FBN2: variants seen among roughly 807,000 people sequenced by gnomAD.
FBN2 encodes fibrillin 2, also known as fibrillin-2.
Under a neutral mutation model 355.6 loss-of-function variants are expected in FBN2, and 105 were observed. The ratio of observed to expected loss-of-function variants is 0.30; its 90% CI spans 0.25 to 0.35. The LOEUF is 0.35. FBN2 is among the 10% of genes least tolerant of loss of function. The pLI, the probability that FBN2 is intolerant of heterozygous loss-of-function variation, is 1.00. For synonymous variants in FBN2, 1,350 were observed against 1,301.2 expected (o/e 1.04, Z -0.81); for missense variants, 3,280 against 3,758.7 (o/e 0.87, Z 3.33).
chr5:128,474,947 C>T (rs1283654963), intron 5 of FBN2, among the ~76,000 whole-genome samples: 1 of 152,160 alleles, frequency 6.6e-6, no homozygotes, highest in Admixed American at 6.5e-5. Flanking sequence ...TAAGAGGACA[C>T]AGGTAGCATC....
At chr5:128,342,998 G>T (rs1192455985) in intron 25 of FBN2, among the ~76,000 whole-genome samples, 3 of 152,100 alleles carry the variant, frequency 2.0e-5, no homozygotes, top group Non-Finnish European at 4.4e-5. Flanking sequence ...AAAGTGCTGG[G>T]GTTACAGGCA....
chr5:128,335,315 A>T lies in FBN2; in HGVS notation c.3848-20T>A. 6.2e-7 allele frequency: 1 copy of T among 1,614,100 alleles called. No homozygotes were observed. The highest frequency in any genetic ancestry group is 8.5e-7 in the Non-Finnish European group (1 of 1,179,908). On this transcript the variant is annotated intron_variant, in intron 29 of 64. Transcript: ENST00000262464. Reference sequence around the variant, plus strand: ...CAATGTCTGATGATACAAAATTAGCATCAAATGAAAATAAAAATGTCGTTC... The same window carrying T: ...CAATGTCTGATGATACAAAATTAGCTTCAAATGAAAATAAAAATGTCGTTC...
Position 128,332,894 on chromosome 5 carries a change from T to G in FBN2, c.4222+18A>C. On this transcript the variant is annotated intron_variant, in intron 32 of 64. Transcript: ENST00000262464. ...AAATTTGTGCCTTAGCAAAGGATAT[T>G]TACATTTGCAAACTCACCAATACAC... 2 of 1,613,522 alleles carry G rather than the reference T, an allele frequency of 1.2e-6. No homozygotes were observed. The highest frequency in any genetic ancestry group is 1.7e-6 in the Non-Finnish European group (2 of 1,179,492).
chr5:128,421,656 A>G (rs1373228006), intron 7 of FBN2, among the ~76,000 whole-genome samples: 1 of 152,174 alleles, frequency 6.6e-6, no homozygotes, highest in Non-Finnish European at 1.5e-5. Context: ...AAATGAAGAG[A>G]TCACACGAGA....
intron 48 of FBN2, among the ~76,000 whole-genome samples, chr5:128,295,741 G>A (rs1749487313): frequency 7.6e-6 from 1 of 132,358 alleles, no homozygotes; most frequent in South Asian, 2.7e-4. Flanking sequence ...TTTGGGCTGA[G>A]ACAATGGGGT....
At position 128,447,228 on chromosome 5, in the gene FBN2, A is replaced by G. The variant is rs1312462483; in HGVS notation, c.827-622T>C. ...GGATAACAGCGATGTTCAGGGAATA[A>G]GGGAGATAACCATTAGGTCTGGCTG... On this transcript the variant is annotated intron_variant, in intron 6 of 64. Transcript: ENST00000262464. Among the ~76,000 whole-genome samples the G allele has an allele frequency of 2.0e-5, 3 of 152,220 alleles. No individual in the cohort carries two copies. In the South Asian group the frequency reaches 6.2e-4, roughly 31 times the overall value.
intron 48 of FBN2, among the ~76,000 whole-genome samples, chr5:128,298,827 T>A (rs1239026375): frequency 1.3e-5 from 2 of 152,246 alleles, no homozygotes; most frequent in African/African-American, 4.8e-5. Flanking sequence ...GAAGCCTTCT[T>A]CTCTCAGCTC....
At chr5:128,306,253 T>C (rs1278530267) in intron 42 of FBN2, among the ~76,000 whole-genome samples, 1 of 152,204 alleles carries the variant, frequency 6.6e-6, no homozygotes, top group African/African-American at 2.4e-5. Flanking sequence ...CTGCTATTCA[T>C]TTGTTTAAAA....
At position 128,290,015 on chromosome 5, in the gene FBN2, G is replaced by C. The variant is rs552816676; in HGVS notation, c.6446-68C>G. 43 of 870,102 alleles carry C rather than the reference G, an allele frequency of 4.9e-5. No homozygotes were observed. The African/African-American group carries it at 7.1e-4, about 14-fold the overall frequency. The allele number at this position is 870,102 out of a possible 1,614,324, so 53.9% of individuals were successfully genotyped here. On this transcript the variant is annotated intron_variant, in intron 50 of 64. Coordinates refer to ENST00000262464, the MANE Select transcript of FBN2 (RefSeq NM_001999.4). ...ATTATCAAAGAACTTAAGAAAGGAT[G>C]AACAATATACATGAAATTACACTTA... is the stretch of plus-strand genomic sequence containing the variant.
chr5:128,349,310 G>C, intron 23 of FBN2, 37 bp downstream of exon 23: 6 of 1,612,714 alleles, frequency 3.7e-6, no homozygotes, highest in Non-Finnish European at 5.1e-6. Flanking sequence ...TTCATGGCTT[G>C]TTTTATACAT....
At chr5:128,294,780 T>C (rs1165775253) in intron 48 of FBN2, among the ~76,000 whole-genome samples, 9 of 150,394 alleles carry the variant, frequency 6.0e-5, no homozygotes, top group South Asian at 2.2e-4. Flanking sequence ...TCCCATTTTG[T>C]AGGTTGCCTG....
chr5:128,469,827 T>A lies in FBN2; in HGVS notation c.629-4906A>T, dbSNP rs989694675. 5.9e-5 allele frequency among the ~76,000 whole-genome samples: 9 copies of A among 152,202 alleles called. 1 individual carries two copies. Among genetic ancestry groups the A allele is most frequent in the Admixed American group, 5.9e-4 (9 of 15,272 alleles). ...TATGAGGATGGCTGATGGTGTCATT[T>A]CCTGATATACTGGTAATAGAAGACA... On this transcript the variant is annotated intron_variant, in intron 5 of 64. Coordinates refer to ENST00000262464, the MANE Select transcript of FBN2 (RefSeq NM_001999.4).
intron 5 of FBN2, among the ~76,000 whole-genome samples, chr5:128,518,104 C>G (rs1756335181): frequency 6.6e-6 from 1 of 152,148 alleles, no homozygotes; most frequent in Non-Finnish European, 1.5e-5. Context: ...TACTTGTGAC[C>G]TGGGAGACCA....
chr5:128,340,871 T>C (rs1750999190), intron 25 of FBN2, among the ~76,000 whole-genome samples: 1 of 151,996 alleles, frequency 6.6e-6, no homozygotes, highest in Non-Finnish European at 1.5e-5. Flanking sequence ...TAAGAATGGG[T>C]AATTTGGAGG....
chr5:128,517,759 G>A (rs377254777), intron 5 of FBN2, among the ~76,000 whole-genome samples: 16 of 152,000 alleles, frequency 1.1e-4, no homozygotes, highest in Admixed American at 7.9e-4. Flanking sequence ...GCTTTTTCAC[G>A]ACTCAAAGCC....
At chr5:128,310,322 A>G (rs184728714) in intron 39 of FBN2, among the ~76,000 whole-genome samples, 5 of 149,180 alleles carry the variant, frequency 3.4e-5, no homozygotes, top group Middle Eastern at 3.6e-3. Flanking sequence ...ATAAAGCATC[A>G]AAAGAAATTA....
At chr5:128,403,599 C>A (rs1235791430) in intron 8 of FBN2, among the ~76,000 whole-genome samples, 4 of 151,306 alleles carry the variant, frequency 2.6e-5, no homozygotes, top group Non-Finnish European at 4.4e-5. Flanking sequence ...ATTAATCATT[C>A]CTTGGACATG....
chr5:128,463,809 T>C (rs1754623547), intron 6 of FBN2, among the ~76,000 whole-genome samples: 1 of 152,174 alleles, frequency 6.6e-6, no homozygotes, highest in South Asian at 2.1e-4. Flanking sequence ...AGACTTTGGA[T>C]CTAACTTTGT....
chr5:128,426,324 T>C (rs1475506527), intron 7 of FBN2, among the ~76,000 whole-genome samples: 2 of 152,180 alleles, frequency 1.3e-5, no homozygotes, highest in African/African-American at 4.8e-5. Context: ...GAAATTCCCT[T>C]TTCCTTAAGT....
Sources: allele counts gnomAD v4.1 joint callset (sites outside exome capture counted in the v4.1 genomes callset), GRCh38; gene constraint gnomAD v4.1.1; transcripts MANE v1.5; gene names NCBI Gene and HGNC (gene_info 2026-07-23, HGNC 2026-07-21).